Variants in KIAA1217 observed in about 807,000 individuals in gnomAD.
KIAA1217 encodes sickle tail protein homolog.
KIAA1217 carries 88 observed loss-of-function variants against 163.9 expected under a neutral mutation model. The ratio of observed to expected loss-of-function variants is 0.54; its 90% CI spans 0.45 to 0.64. The LOEUF is 0.64. Among genes scored for constraint, KIAA1217 ranks in the 30% least tolerant of loss-of-function variants. KIAA1217 has a pLI of 0.00. For synonymous variants in KIAA1217, 903 were observed against 923.1 expected (o/e 0.98, Z 0.39); for missense variants, 2,372 against 2,475.0 (o/e 0.96, Z 0.88).
chr10:24,299,370 T>G (rs2041016312), intron 2 of KIAA1217, among the ~76,000 whole-genome samples: 1 of 152,192 alleles, frequency 6.6e-6, no homozygotes, highest in Admixed American at 6.5e-5. Context: ...ATCACAATCC[T>G]GTAGCTTTCT....
At chr10:23,980,355 T>C (rs1235626368) in intron 1 of KIAA1217, among the ~76,000 whole-genome samples, 4 of 152,200 alleles carry the variant, frequency 2.6e-5, no homozygotes, top group Non-Finnish European at 5.9e-5. Context: ...GTCTCAAGTT[T>C]CCTCAGAGCG....
At chr10:23,715,596 T>A (rs776851367) in intron 1 of KIAA1217, among the ~76,000 whole-genome samples, 3 of 152,196 alleles carry the variant, frequency 2.0e-5, no homozygotes, top group Non-Finnish European at 2.9e-5. Flanking sequence ...TGACTCACCA[T>A]GTAAAGTTTC....
chr10:24,169,736 G>A (rs759935850), intron 2 of KIAA1217, among the ~76,000 whole-genome samples: 3 of 152,046 alleles, frequency 2.0e-5, no homozygotes, highest in Non-Finnish European at 2.9e-5. Flanking sequence ...AAGGAAAAGG[G>A]TGCTTCTCTT....
At position 24,473,325 on chromosome 10, in the gene KIAA1217, C is replaced by T. The variant is rs761717228; in HGVS notation, c.944C>T (p.Pro315Leu). 8.9e-6 allele frequency: 14 copies of T among 1,567,540 alleles called. No homozygotes were observed. The highest frequency in any genetic ancestry group is 4.1e-5 in the African/African-American group (3 of 73,584). Residue 315 changes from proline to leucine, a missense_variant, in exon 6 of 21, where the codon CCG becomes CTG. By Grantham distance (98) the Pro-to-Leu change is moderately conservative. Transcript: ENST00000376454. The part of the protein sequence containing the change: ...HPPHAIPNSP[P>L]STPVPHSMPP... ...CCCCATGCGATTCCAAATTCCCCACCGTCTACTCCAGTGCCCCATTCCATG... is the reference window on the plus strand; with the variant it reads ...CCCCATGCGATTCCAAATTCCCCACTGTCTACTCCAGTGCCCCATTCCATG...
chr10:24,230,513 T>G (rs914881100), intron 2 of KIAA1217, among the ~76,000 whole-genome samples: 24 of 142,090 alleles, frequency 1.7e-4, no homozygotes, highest in Non-Finnish European at 2.8e-4. Context: ...TTTTTTTTTT[T>G]TTTTTTTTTT....
At chr10:24,446,657 G>A (rs556064206) in intron 5 of KIAA1217, among the ~76,000 whole-genome samples, 1 of 152,330 alleles carries the variant, frequency 6.6e-6, no homozygotes, top group African/African-American at 2.4e-5. Context: ...CTTCACTCAT[G>A]CAATGACAAC....
chr10:24,162,955 G>T (rs1254289523), intron 2 of KIAA1217, among the ~76,000 whole-genome samples: 1 of 152,136 alleles, frequency 6.6e-6, no homozygotes, highest in African/African-American at 2.4e-5. Context: ...TGATCCAAGA[G>T]AAAAAGACCA....
chr10:24,182,372 G>A (rs2066215224), intron 2 of KIAA1217, among the ~76,000 whole-genome samples: 1 of 151,924 alleles, frequency 6.6e-6, no homozygotes, highest in South Asian at 2.1e-4. Flanking sequence ...GGGAGGTGGG[G>A]GGAGGGCTGC....
intron 5 of KIAA1217, among the ~76,000 whole-genome samples, chr10:24,461,710 A>G (rs1238214511): frequency 6.6e-6 from 1 of 152,170 alleles, no homozygotes; most frequent in Non-Finnish European, 1.5e-5. Context: ...AAATTTAGGT[A>G]TGTTATATCA....
intron 2 of KIAA1217, among the ~76,000 whole-genome samples, chr10:24,130,158 T>C (rs562230762): frequency 6.6e-6 from 1 of 152,112 alleles, no homozygotes; most frequent in African/African-American, 2.4e-5. Flanking sequence ...GATTGGGCTA[T>C]TGGGTTATTA....
At chr10:24,160,332 T>C (rs2065065180) in intron 2 of KIAA1217, among the ~76,000 whole-genome samples, 1 of 152,188 alleles carries the variant, frequency 6.6e-6, no homozygotes, top group Non-Finnish European at 1.5e-5. Context: ...TTTAGCAATA[T>C]TAATTTTTCC....
chr10:24,140,713 A>G (rs1452543814), intron 2 of KIAA1217, among the ~76,000 whole-genome samples: 1 of 152,202 alleles, frequency 6.6e-6, no homozygotes, highest in Non-Finnish European at 1.5e-5. Context: ...GTTAATTGAA[A>G]CATCGGAAAG....
chr10:24,508,972 T>G (rs1261878563), intron 9 of KIAA1217, among the ~76,000 whole-genome samples: 1 of 152,208 alleles, frequency 6.6e-6, no homozygotes, highest in African/African-American at 2.4e-5. Flanking sequence ...TCAGCAGTGG[T>G]TACATCAGTG....
At chr10:23,760,192 G>A (rs1834180341) in intron 1 of KIAA1217, among the ~76,000 whole-genome samples, 1 of 152,192 alleles carries the variant, frequency 6.6e-6, no homozygotes, top group African/African-American at 2.4e-5. Context: ...GCACTTGCTA[G>A]CATGTACTTG....
chr10:24,074,223 C>G (rs1040634373), intron 2 of KIAA1217, among the ~76,000 whole-genome samples: 1 of 152,098 alleles, frequency 6.6e-6, no homozygotes, highest in African/African-American at 2.4e-5. Context: ...GTGGCACATG[C>G]CTGTAATCCC....
At chr10:24,532,897 T>C (rs1432117205) in intron 15 of KIAA1217, among the ~76,000 whole-genome samples, 173 bp from the exon 16 acceptor site, 9 of 152,192 alleles carry the variant, frequency 5.9e-5, no homozygotes, top group Admixed American at 2.0e-4. Context: ...TGACAACTTA[T>C]GCAAACACAA....
chr10:24,460,672 T>C (rs959956854), intron 5 of KIAA1217, among the ~76,000 whole-genome samples: 5 of 152,138 alleles, frequency 3.3e-5, no homozygotes, highest in South Asian at 4.1e-4. Context: ...CCTTTAAAAT[T>C]TGCTCCACAG....
intron 6 of KIAA1217, among the ~76,000 whole-genome samples, chr10:24,488,749 T>C (rs2065720351): frequency 6.6e-6 from 1 of 152,334 alleles, no homozygotes; most frequent in East Asian, 1.9e-4. Flanking sequence ...TTTTTCCTCA[T>C]ACCAGAGTCA....
intron 2 of KIAA1217, among the ~76,000 whole-genome samples, chr10:24,073,374 T>C (rs2061256922): frequency 6.6e-6 from 1 of 151,918 alleles, no homozygotes; most frequent in Non-Finnish European, 1.5e-5. Context: ...GCACTAGAAA[T>C]AGTCAAGGGC....
Sources: allele counts gnomAD v4.1 joint callset (sites outside exome capture counted in the v4.1 genomes callset), GRCh38; gene constraint gnomAD v4.1.1; transcripts MANE v1.5; gene names NCBI Gene and HGNC (gene_info 2026-07-23, HGNC 2026-07-21).